CNTRL: variants seen among roughly 807,000 people sequenced by gnomAD.
The protein encoded by CNTRL is 110 kDa centrosomal protein.
A neutral mutation model predicts 303.7 loss-of-function variants in CNTRL; 233 were observed. The ratio of observed to expected loss-of-function variants is 0.77; its 90% CI spans 0.69 to 0.86. CNTRL has a LOEUF of 0.86. CNTRL is among the 40% of genes least tolerant of loss of function. The pLI, the probability that CNTRL is intolerant of heterozygous loss-of-function variation, is 0.00. For missense variants in CNTRL, 2,524 were observed against 2,650.6 expected, an observed-to-expected ratio of 0.95 and a Z score of 1.05; for synonymous variants, 900 against 922.2, an observed-to-expected ratio of 0.98 and a Z score of 0.44.
intron 39 of CNTRL, among the ~76,000 whole-genome samples, chr9:121,170,536 A>G (rs1357605018): frequency 7.4e-5 from 11 of 148,860 alleles, no homozygotes; most frequent in Admixed American, 6.7e-4. Context: ...GTTCACTGCA[A>G]CCTCCACCTC....
At chr9:121,156,931 T>C (rs552110964) in intron 27 of CNTRL, among the ~76,000 whole-genome samples, 3 of 152,366 alleles carry the variant, frequency 2.0e-5, no homozygotes, top group Non-Finnish European at 2.9e-5. Context: ...GAAATCTTGG[T>C]AAAATCACTT....
chr9:121,095,211 A>G (rs565066112), intron 5 of CNTRL, among the ~76,000 whole-genome samples, 193 bp downstream of exon 5: 1 of 152,186 alleles, frequency 6.6e-6, no homozygotes, highest in Non-Finnish European at 1.5e-5. Flanking sequence ...GCATTACTGA[A>G]GTACAGAATA....
chr9:121,114,968 A>G, intron 10 of CNTRL, 123 bp from the exon 11 acceptor site: 1 of 560,834 alleles, frequency 1.8e-6, no homozygotes, highest in South Asian at 2.9e-5. Context: ...TTTTTGTGAG[A>G]TATAATGACA....
At chr9:121,134,761 A>G (rs1426303195) in intron 14 of CNTRL, among the ~76,000 whole-genome samples, 2 of 152,116 alleles carry the variant, frequency 1.3e-5, no homozygotes, top group East Asian at 3.9e-4. Context: ...TTGTATCTCT[A>G]TGTTCTATGT....
chr9:121,169,299 G>C (rs1243638419), intron 38 of CNTRL, among the ~76,000 whole-genome samples: 4 of 152,190 alleles, frequency 2.6e-5, no homozygotes, highest in African/African-American at 4.8e-5. Flanking sequence ...AAACATTTCA[G>C]CTGTTCCACA....
Position 121,175,233 on chromosome 9 carries a change from C to T in CNTRL, c.6954+9C>T, listed in dbSNP as rs562401063. The stretch of plus-strand genomic sequence containing the variant: ...AACTTGGACAAAATCAGGTAAGCAG[C>T]AGCTCTTTTTAAAAACAAAACAATA... On this transcript the variant is annotated intron_variant, in intron 43 of 43. Transcript: ENST00000373855. 2.5e-6 allele frequency: 4 copies of T among 1,612,916 alleles called. No individual in the cohort carries two copies. In the African/African-American group the frequency reaches 4.0e-5, roughly 16 times the overall value.
intron 7 of CNTRL, among the ~76,000 whole-genome samples, chr9:121,104,361 A>G (rs982131019): frequency 2.0e-5 from 3 of 152,180 alleles, no homozygotes; most frequent in Non-Finnish European, 2.9e-5. Context: ...AACACCACAC[A>G]CTGGGGCCTG....
Position 121,113,626 on chromosome 9 carries a change from T to C in CNTRL, c.1247T>C (p.Met416Thr). 1 of 1,609,280 alleles carries C rather than the reference T, an allele frequency of 6.2e-7. No homozygotes were observed. The highest frequency in any genetic ancestry group is 8.5e-7 in the Non-Finnish European group (1 of 1,178,480). Residue 416 changes from methionine (M) to threonine (T), a missense_variant, in exon 10 of 44, where the codon ATG becomes ACG. Transcript: ENST00000373855. ...DSAQAVQIKKMEPDEQLRNDH... is the reference protein window; with the variant it reads ...DSAQAVQIKKTEPDEQLRNDH... ...GCTCAGGCAGTACAGATCAAGAAGATGGAGCCAGATGAACAACTTAGAAAT... is the reference window on the plus strand; with the variant it reads ...GCTCAGGCAGTACAGATCAAGAAGACGGAGCCAGATGAACAACTTAGAAAT...
At position 121,171,529 on chromosome 9, in the gene CNTRL, A is replaced by G; in HGVS notation, c.6398A>G (p.Tyr2133Cys). Residue 2133 changes from tyrosine to cysteine, a missense_variant, in exon 40 of 44, where the codon TAC becomes TGC. Transcript: ENST00000373855. ...MKELNQMQYE[Y>C]TELKKQMANQ... ...GAGCTCAACCAGATGCAGTATGAGT[A>G]CACGGAGCTCAAGAAACAGGTGTGT... 1 of 1,613,830 alleles carries G rather than the reference A, an allele frequency of 6.2e-7. No individual in the cohort carries two copies. Among genetic ancestry groups the G allele is most frequent in the Non-Finnish European group, 8.5e-7 (1 of 1,179,816 alleles).
At chr9:121,131,888 A>G (rs760078364) in intron 14 of CNTRL, among the ~76,000 whole-genome samples, 3 of 152,210 alleles carry the variant, frequency 2.0e-5, no homozygotes, top group Non-Finnish European at 4.4e-5. Flanking sequence ...TCCTTCACTC[A>G]TGAAGCTTAG....
intron 12 of CNTRL, among the ~76,000 whole-genome samples, chr9:121,120,928 C>T (rs2133365669): frequency 6.6e-6 from 1 of 152,264 alleles, no homozygotes; most frequent in East Asian, 1.9e-4. Context: ...CAGAGGACAT[C>T]TCTTTTAAGT....
chr9:121,142,696 T>G lies in CNTRL; in HGVS notation c.2871+426T>G, dbSNP rs528867518. Among the ~76,000 whole-genome samples the G allele has an allele frequency of 1.2e-4, 19 of 152,310 alleles. No homozygotes were observed. In the East Asian group the frequency reaches 2.1e-3, roughly 17 times the overall value. ...ACTCCCATTGTCACATTCTGGACTT[T>G]GTCAAGTTTAAAAATTGCACCCACC... On this transcript the variant is annotated intron_variant, in intron 19 of 43. Coordinates refer to ENST00000373855, the MANE Select transcript of CNTRL (RefSeq NM_007018.6).
intron 8 of CNTRL, 48 bp from the exon 9 acceptor site, chr9:121,112,411 C>T: frequency 6.3e-7 from 1 of 1,582,036 alleles, no homozygotes; most frequent in East Asian, 2.2e-5. Context: ...CACCTTTATA[C>T]TAACTTACTG....
At chr9:121,170,407 G>A (rs537839527) in intron 39 of CNTRL, among the ~76,000 whole-genome samples, 1 of 152,262 alleles carries the variant, frequency 6.6e-6, no homozygotes, top group East Asian at 1.9e-4. Flanking sequence ...GCCTCCCAAG[G>A]TGCTGGGATT....
intron 16 of CNTRL, 141 bp from the exon 17 acceptor site, chr9:121,140,500 C>A (rs3761852): frequency 3.0e-6 from 2 of 663,176 alleles, no homozygotes; most frequent in Non-Finnish European, 2.3e-6. Context: ...ATTAATCATA[C>A]GGAAATTTTA....
chr9:121,123,478 A>G (rs1045003552), intron 12 of CNTRL, among the ~76,000 whole-genome samples: 1 of 152,216 alleles, frequency 6.6e-6, no homozygotes, highest in Non-Finnish European at 1.5e-5. Context: ...CCGCACCTGT[A>G]GTCCCAGGTA....
chr9:121,164,082 T>G (rs2052985649), intron 34 of CNTRL, among the ~76,000 whole-genome samples: 1 of 152,054 alleles, frequency 6.6e-6, no homozygotes, highest in South Asian at 2.1e-4. Flanking sequence ...GCCAGGATGG[T>G]CTCCATCCCC....
chr9:121,092,973 ATT>A (rs980154279), intron 4 of CNTRL, among the ~76,000 whole-genome samples: 1 of 147,922 alleles, frequency 6.8e-6, no homozygotes, highest in Non-Finnish European at 1.5e-5. Flanking sequence ...CGCCCAGCTA[ATT>A]TTTTTTTATC....
At chr9:121,153,211 C>T (rs896346833) in intron 26 of CNTRL, among the ~76,000 whole-genome samples, 11 of 152,210 alleles carry the variant, frequency 7.2e-5, no homozygotes, top group African/African-American at 2.7e-4. Flanking sequence ...CATGTCTTCT[C>T]TCTTGGTCTA....
Sources: allele counts gnomAD v4.1 joint callset (sites outside exome capture counted in the v4.1 genomes callset), GRCh38; gene constraint gnomAD v4.1.1; transcripts MANE v1.5; gene names NCBI Gene and HGNC (gene_info 2026-07-23, HGNC 2026-07-21).